ANO1: variants seen among roughly 807,000 people sequenced by gnomAD.
The protein encoded by ANO1 is anoctamin 1.
In ANO1, 59 loss-of-function variants were observed where a neutral mutation model predicts 124.0. The ratio of observed to expected loss-of-function variants is 0.48; its 90% CI spans 0.39 to 0.59. The LOEUF (loss-of-function observed/expected upper bound fraction) is 0.59, where lower values mean the gene tolerates loss of function less well. Ranked by LOEUF, ANO1 falls within the 20% of genes least tolerant of loss-of-function variation. The probability of loss-of-function intolerance (pLI) is 0.00; values close to 1 mark genes in which losing one functional copy is unlikely to be tolerated. For missense variants in ANO1, 1,059 were observed against 1,328.0 expected, an observed-to-expected ratio of 0.80 and a Z score of 3.15; for synonymous variants, 529 against 532.0, an observed-to-expected ratio of 0.99 and a Z score of 0.08.
chr11:70,093,565 T>C (rs2044722913), intron 2 of ANO1, among the ~76,000 whole-genome samples: 1 of 152,190 alleles, frequency 6.6e-6, no homozygotes, highest in African/African-American at 2.4e-5. Context: ...ACTGCCCTGA[T>C]GTTGAACCTG....
chr11:70,024,681 A>G (rs1230013755), intron 1 of ANO1, among the ~76,000 whole-genome samples: 1 of 152,174 alleles, frequency 6.6e-6, no homozygotes, highest in African/African-American at 2.4e-5. Flanking sequence ...CGGGCTCCCA[A>G]GTTCTTCGCC....
chr11:70,150,140 G>A (rs2047548545), intron 12 of ANO1, among the ~76,000 whole-genome samples: 1 of 152,168 alleles, frequency 6.6e-6, no homozygotes, highest in Non-Finnish European at 1.5e-5. Flanking sequence ...CACCCGTGGG[G>A]GTGGAGAGGA....
chr11:69,991,663 A>G (rs1465815644), intron 1 of ANO1, among the ~76,000 whole-genome samples: 1 of 152,236 alleles, frequency 6.6e-6, no homozygotes. Flanking sequence ...CATCATTCAA[A>G]TCAAACTAAA....
At chr11:70,119,473 T>C (rs536881859) in intron 8 of ANO1, among the ~76,000 whole-genome samples, 1 of 129,056 alleles carries the variant, frequency 7.7e-6, no homozygotes, top group Non-Finnish European at 1.6e-5. Flanking sequence ...GATGGAAGAA[T>C]GAATGATGGA....
chr11:70,111,660 G>C (rs769082179), intron 6 of ANO1, 47 bp from the exon 7 acceptor site: 3 of 1,594,596 alleles, frequency 1.9e-6, no homozygotes, highest in Non-Finnish European at 2.6e-6. Context: ...AATGGGAAGC[G>C]GGAGACCCGC....
intron 1 of ANO1, among the ~76,000 whole-genome samples, chr11:70,053,674 CATCTT>C (rs1857388424): frequency 1.3e-5 from 2 of 152,094 alleles, no homozygotes; most frequent in African/African-American, 2.4e-5. Context: ...AATATTGTCT[CATCTT>C]GTAATATCCT....
chr11:70,119,463 G>T (rs183529534), intron 8 of ANO1, among the ~76,000 whole-genome samples: 6 of 150,436 alleles, frequency 4.0e-5, no homozygotes, highest in African/African-American at 1.5e-4. Context: ...ATGGATGGCC[G>T]ATGGAAGAAT....
At chr11:70,006,951 T>A (rs2120353759) in intron 1 of ANO1, among the ~76,000 whole-genome samples, 1 of 152,130 alleles carries the variant, frequency 6.6e-6, no homozygotes, top group Middle Eastern at 3.4e-3. Context: ...ATGACGGGGG[T>A]GAGCCATCAC....
chr11:70,025,049 A>G (rs1555003019), intron 1 of ANO1, among the ~76,000 whole-genome samples: 1 of 152,208 alleles, frequency 6.6e-6, no homozygotes, highest in African/African-American at 2.4e-5. Flanking sequence ...AAGATGGACA[A>G]GAAAATGAAA....
chr11:70,084,198 G>T lies in ANO1; in HGVS notation c.109-3554G>T, dbSNP rs984885505. 7.9e-5 allele frequency among the ~76,000 whole-genome samples: 12 copies of T among 152,266 alleles called. No homozygotes were observed. In the South Asian group the frequency reaches 1.9e-3, roughly 24 times the overall value. ...ACCCCTCGAGACCCTGCATTCACCT[G>T]CTGGGCACTGGCACATTCCCTGCAC... On this transcript the variant is annotated intron_variant, in intron 1 of 25. Transcript: ENST00000355303.
chr11:70,031,159 G>T (rs1374636608), intron 1 of ANO1, among the ~76,000 whole-genome samples: 1 of 152,182 alleles, frequency 6.6e-6, no homozygotes, highest in East Asian at 1.9e-4. Flanking sequence ...TGCCCAGGCT[G>T]GTGTCGAATT....
intron 1 of ANO1, among the ~76,000 whole-genome samples, chr11:69,987,805 C>G (rs2120281737): frequency 6.6e-6 from 1 of 152,208 alleles, no homozygotes; most frequent in Non-Finnish European, 1.5e-5. Context: ...ATAGGCTTTA[C>G]ATTTGGGCAT....
intron 1 of ANO1, among the ~76,000 whole-genome samples, chr11:70,086,089 C>T (rs536867641): frequency 6.6e-6 from 1 of 152,326 alleles, no homozygotes; most frequent in South Asian, 2.1e-4. Flanking sequence ...TGATGCCCCT[C>T]GGGAACTGAT....
At chr11:69,993,374 T>C (rs1214896906) in intron 1 of ANO1, among the ~76,000 whole-genome samples, 1 of 152,158 alleles carries the variant, frequency 6.6e-6, no homozygotes, top group Non-Finnish European at 1.5e-5. Flanking sequence ...ATGTGAGCAA[T>C]TAGAAAGGAG....
Position 70,049,940 on chromosome 11 carries a change from A to G in ANO1, c.59-28602A>G, listed in dbSNP as rs899686077. On this transcript the variant is annotated intron_variant, in intron 1 of 27. Coordinates refer to the ANO1 transcript ENST00000531349. ...TTCACCATGTTGGTCAGGCTGGTTT[A>G]GAACTCCTGACCTCAGGTGATCCAC... is the stretch of plus-strand genomic sequence containing the variant. Among the ~76,000 whole-genome samples the G allele has an allele frequency of 5.3e-5, 8 of 152,150 alleles. No individual in the cohort carries two copies. In the East Asian group the frequency reaches 1.5e-3, roughly 29 times the overall value.
intron 22 of ANO1, among the ~76,000 whole-genome samples, chr11:70,179,612 C>T (rs886567653): frequency 6.6e-6 from 1 of 152,196 alleles, no homozygotes; most frequent in Admixed American, 6.5e-5. Flanking sequence ...TCTGGCCTAT[C>T]CCTAAATACA....
chr11:70,187,169 CA>C (rs561020425), intron 25 of ANO1, among the ~76,000 whole-genome samples: 128 of 152,350 alleles, frequency 8.4e-4, no homozygotes, highest in African/African-American at 3.0e-3. Flanking sequence ...GACACCAATC[CA>C]GGGGGCACCA....
intron 21 of ANO1, among the ~76,000 whole-genome samples, chr11:70,168,992 C>A (rs563101672): frequency 6.6e-6 from 1 of 152,162 alleles, no homozygotes; most frequent in African/African-American, 2.4e-5. Context: ...AGGGTCAGGC[C>A]GGTAGGCAGA....
intron 1 of ANO1, among the ~76,000 whole-genome samples, chr11:70,008,322 G>A (rs1321184463): frequency 1.3e-5 from 2 of 152,180 alleles, no homozygotes; most frequent in Non-Finnish European, 2.9e-5. Context: ...ACAATGCCAA[G>A]TCATGTCATA....
Sources: allele counts gnomAD v4.1 joint callset (sites outside exome capture counted in the v4.1 genomes callset), GRCh38; gene constraint gnomAD v4.1.1; transcripts MANE v1.5; gene names NCBI Gene and HGNC (gene_info 2026-07-23, HGNC 2026-07-21).